The following ENTREP2 variants were observed in gnomAD, a reference collection of about 807,000 sequenced individuals.
The protein encoded by ENTREP2 is endosomal transmembrane epsin interactor 2.
chr15:29,478,010 TATATA>T, the ENTREP2 span, among the ~76,000 whole-genome samples: 35 of 77,228 alleles, frequency 4.5e-4, 1 homozygote, highest in East Asian at 9.9e-4. Flanking sequence ...TATATATATA[TATATA>T]TATATTTTTT....
At chr15:29,567,314 T>C in the ENTREP2 span, among the ~76,000 whole-genome samples, 4 of 152,200 alleles carry the variant, frequency 2.6e-5, no homozygotes, top group East Asian at 7.7e-4. Flanking sequence ...GTGGAATGGC[T>C]CCTTAAATTT....
the ENTREP2 span, chr15:29,128,885 C>T: frequency 8.3e-5 from 128 of 1,538,600 alleles, no homozygotes; most frequent in Middle Eastern, 6.7e-4. Context: ...AAACAGAAAG[C>T]GTCAAGGCGG....
chr15:29,657,482 GC>G, the ENTREP2 span, among the ~76,000 whole-genome samples: 37 of 112,330 alleles, frequency 3.3e-4, no homozygotes, highest in South Asian at 1.8e-3. Context: ...GGCTGGGGGG[GC>G]GGGGGGGGGG....
the ENTREP2 span, among the ~76,000 whole-genome samples, chr15:29,157,047 A>G: frequency 6.6e-6 from 1 of 152,194 alleles, no homozygotes; most frequent in African/African-American, 2.4e-5. Context: ...CCGTGAGCCG[A>G]GATCATGCCA....
At chr15:29,161,246 C>A in the ENTREP2 span, among the ~76,000 whole-genome samples, 1 of 152,158 alleles carries the variant, frequency 6.6e-6, no homozygotes, top group African/African-American at 2.4e-5. Flanking sequence ...GGTAACGTCT[C>A]CCCTAGACAA....
the ENTREP2 span, among the ~76,000 whole-genome samples, chr15:29,565,447 A>G: frequency 6.6e-6 from 1 of 152,160 alleles, no homozygotes. Context: ...CTGTTTGTAG[A>G]CACATAGAAC....
At chr15:29,640,645 G>C in the ENTREP2 span, among the ~76,000 whole-genome samples, 5 of 121,696 alleles carry the variant, frequency 4.1e-5, no homozygotes, top group African/African-American at 2.4e-4. Flanking sequence ...GTGAGGGCCT[G>C]TCTCAAACAA....
At chr15:29,509,032 T>A in the ENTREP2 span, among the ~76,000 whole-genome samples, 4 of 152,212 alleles carry the variant, frequency 2.6e-5, no homozygotes, top group Admixed American at 2.6e-4. Flanking sequence ...CTCCTTAAGC[T>A]GATAAGTAAC....
At chr15:29,444,172 A>C in the ENTREP2 span, among the ~76,000 whole-genome samples, 4,189 of 32,530 alleles carry the variant, frequency 0.13, 557 homozygotes, top group East Asian at 0.15. Context: ...AAGACAGACA[A>C]AGAAAGAAAG....
chr15:29,259,258 T>C, the ENTREP2 span, among the ~76,000 whole-genome samples: 2 of 152,324 alleles, frequency 1.3e-5, no homozygotes, highest in East Asian at 1.9e-4. Context: ...TCAGGCATCA[T>C]TAAGGAGGGA....
At chr15:29,302,957 G>C in the ENTREP2 span, among the ~76,000 whole-genome samples, 2 of 152,180 alleles carry the variant, frequency 1.3e-5, no homozygotes, top group African/African-American at 2.4e-5. Context: ...CGGTTCATGA[G>C]CTGAGGCTGA....
At chr15:29,494,712 T>TG in the ENTREP2 span, among the ~76,000 whole-genome samples, 2 of 152,240 alleles carry the variant, frequency 1.3e-5, no homozygotes, top group Non-Finnish European at 2.9e-5. Flanking sequence ...TCTGTTTCTA[T>TG]GAGCCACGTT....
the ENTREP2 span, among the ~76,000 whole-genome samples, chr15:29,657,868 A>G: frequency 6.6e-6 from 1 of 152,140 alleles, no homozygotes; most frequent in Non-Finnish European, 1.5e-5. Context: ...GTGTATGTAT[A>G]TATACATATA....
chr15:29,338,460 C>A, the ENTREP2 span, among the ~76,000 whole-genome samples: 258 of 151,240 alleles, frequency 1.7e-3, 1 homozygote, highest in Non-Finnish European at 2.8e-3. Context: ...AAAAAAGAAA[C>A]CAGGCAGGCA....
the ENTREP2 span, among the ~76,000 whole-genome samples, chr15:29,584,919 T>C: frequency 7.4e-4 from 113 of 152,296 alleles, 2 homozygotes; most frequent in African/African-American, 2.6e-3. Context: ...TCACATTTCA[T>C]ATCTTAAATA....
chr15:29,490,124 T>C, the ENTREP2 span, among the ~76,000 whole-genome samples: 1 of 152,220 alleles, frequency 6.6e-6, no homozygotes, highest in African/African-American at 2.4e-5. Context: ...TCGGTCTCAC[T>C]GACTTCAAGA....
the ENTREP2 span, among the ~76,000 whole-genome samples, chr15:29,255,920 G>A: frequency 6.7e-6 from 1 of 149,626 alleles, no homozygotes; most frequent in Admixed American, 6.7e-5. Context: ...AGAATAGCAT[G>A]AACCCGGGAG....
At chr15:29,477,538 A>C in the ENTREP2 span, among the ~76,000 whole-genome samples, 2 of 152,146 alleles carry the variant, frequency 1.3e-5, no homozygotes, top group African/African-American at 4.8e-5. Context: ...AAGCCCATTA[A>C]ATTTTTCAAG....
At chr15:29,557,481 C>A in the ENTREP2 span, among the ~76,000 whole-genome samples, 1 of 152,138 alleles carries the variant, frequency 6.6e-6, no homozygotes, top group Non-Finnish European at 1.5e-5. Context: ...CCACCCTCCC[C>A]AAAAGTGCCA....
Sources: gnomAD v4.1 joint callset for allele counts (sites outside exome capture counted in the v4.1 genomes callset) on GRCh38, gnomAD v4.1.1 for gene constraint, MANE v1.5 for transcripts, NCBI Gene and HGNC (gene_info 2026-07-23, HGNC 2026-07-21) for gene names.